Variants in ABCA13 observed in about 807,000 individuals in gnomAD.
The protein encoded by ABCA13 is ATP-binding cassette sub-family A member 13.
Under a neutral mutation model 478.7 loss-of-function variants are expected in ABCA13, and 476 were observed. The observed-to-expected ratio is 0.99, with a 90% CI of 0.92 to 1.07. The LOEUF (loss-of-function observed/expected upper bound fraction) is 1.07. ABCA13 is among the 50% of genes least tolerant of loss of function. The probability of loss-of-function intolerance (pLI) is 0.00; values close to 1 mark genes in which losing one functional copy is unlikely to be tolerated. For missense variants in ABCA13, 6,060 were observed against 5,910.6 expected (o/e 1.03, Z -0.83); for synonymous variants, 2,252 against 2,158.9 (o/e 1.04, Z -1.20).
intron 51 of ABCA13, among the ~76,000 whole-genome samples, chr7:48,511,655 A>G (rs114037281): frequency 0.017 from 2,619 of 152,238 alleles, 80 homozygotes; most frequent in African/African-American, 0.059. Flanking sequence ...AGATGAAAAA[A>G]TAGCAAATGG....
intron 27 of ABCA13, among the ~76,000 whole-genome samples, chr7:48,322,165 T>C (rs1294119253): frequency 1.3e-5 from 2 of 152,180 alleles, no homozygotes; most frequent in Non-Finnish European, 2.9e-5. Flanking sequence ...TCTGTCTGTA[T>C]GCATAACATC....
rs1801509986 is a variant in ABCA13, at chr7:48,309,935, G to A, written c.9322-12G>A. 2 of 1,613,688 alleles carry A rather than the reference G, an allele frequency of 1.2e-6. No homozygotes were observed. The highest frequency in any genetic ancestry group is 2.2e-5 in the East Asian group (1 of 44,884). On this transcript the variant is annotated splice_polypyrimidine_tract_variant and intron_variant, in intron 23 of 61. Coordinates refer to ENST00000435803, the MANE Select transcript of ABCA13 (RefSeq NM_152701.5). ...AGGTATACTCACCTCTAATCTCTGT[G>A]CTTTGAAACAGGTTCTCTTCAGTGC... is the stretch of plus-strand genomic sequence containing the variant.
chr7:48,207,875 C>A (rs1785126485), intron 3 of ABCA13, among the ~76,000 whole-genome samples: 3 of 152,064 alleles, frequency 2.0e-5, no homozygotes, highest in Non-Finnish European at 4.4e-5. Flanking sequence ...GAAATCTTTG[C>A]CCAGACCTAT....
chr7:48,404,893 T>G (rs11185604), intron 39 of ABCA13, among the ~76,000 whole-genome samples: 1 of 152,090 alleles, frequency 6.6e-6, no homozygotes, highest in Non-Finnish European at 1.5e-5. Flanking sequence ...AAGGAGAAGA[T>G]AGATAGAAGT....
rs553514517 is a variant in ABCA13, at chr7:48,281,432, G to A, written c.8816G>A (p.Arg2939His). ...MLQKVKMMVV[R>H]VLTIVAENPS... is the part of the protein sequence containing the mutation. Reference sequence around the variant, plus strand: ...CAGAAAGTGAAGATGATGGTCGTACGTGTGCTCACCATCGTTGCAGGTGGG... The same window carrying A: ...CAGAAAGTGAAGATGATGGTCGTACATGTGCTCACCATCGTTGCAGGTGGG... Residue 2939 changes from arginine (R) to histidine (H), a missense_variant, in exon 19 of 62, where the codon CGT becomes CAT. This residue lies in a region of ABCA13 where 4,423 missense variants were observed against 4,309.1 expected (regional missense o/e 1.03). Coordinates refer to ENST00000435803, the MANE Select transcript of ABCA13 (RefSeq NM_152701.5). The A allele has an allele frequency of 8.7e-6, 14 of 1,602,080 alleles. No individual in the cohort carries two copies. The East Asian group carries it at 1.1e-4, about 13-fold the overall frequency.
rs1286057280 is a variant in ABCA13, at chr7:48,274,755, A to G, written c.5089A>G (p.Ser1697Gly). ...CCTAATGGATTTCTTTAAGAATATC[A>G]GTAGTGTGGGAACTGGCAATTTAGT... ...VNLMDFFKNI[S>G]SVGTGNLVVN... The change falls in exon 17 of 62, where the codon AGT becomes GGT. Residue 1697 changes from serine (S) to glycine (G), a missense_variant. By Grantham distance (56) the Ser-to-Gly change is moderately conservative. Transcript: ENST00000435803. 1.2e-6 allele frequency: 2 copies of G among 1,613,882 alleles called. No individual in the cohort carries two copies. Among genetic ancestry groups the G allele is most frequent in the Non-Finnish European group, 1.7e-6 (2 of 1,179,848 alleles).
At position 48,248,380 on chromosome 7, in the gene ABCA13, G is replaced by A. The variant is rs369374513; in HGVS notation, c.1801G>A (p.Ala601Thr). The change falls in exon 14 of 62, where the codon GCT (alanine) becomes ACT (threonine). Residue 601 changes from alanine (A) to threonine (T), a missense_variant. Ala to Thr is a moderately conservative substitution (Grantham distance 58). Coordinates refer to ENST00000435803, the MANE Select transcript of ABCA13 (RefSeq NM_152701.5). The stretch of plus-strand genomic sequence containing the variant: ...TACTCGGCTCTTCCTGCTGCTGGGA[G>A]CTGATCCCTCTCCTGAGAATGATGT... The part of the protein sequence containing the change: ...SCTRLFLLLG[A>T]DPSPENDVFS... 10 of 1,613,692 alleles carry A rather than the reference G, an allele frequency of 6.2e-6. No homozygotes were observed.
At chr7:48,473,461 C>T (rs1419946907) in intron 45 of ABCA13, among the ~76,000 whole-genome samples, 3 of 152,204 alleles carry the variant, frequency 2.0e-5, no homozygotes, top group Non-Finnish European at 4.4e-5. Flanking sequence ...CCCGAACTTT[C>T]AGGCTGCTCT....
At chr7:48,261,639 AC>A (rs1393416815) in intron 15 of ABCA13, among the ~76,000 whole-genome samples, 1 of 151,720 alleles carries the variant, frequency 6.6e-6, no homozygotes, top group African/African-American at 2.4e-5. Flanking sequence ...ATTTTTGAGA[AC>A]TTTTTCTTAT....
intron 55 of ABCA13, among the ~76,000 whole-genome samples, chr7:48,559,773 T>C (rs999453358): frequency 3.9e-5 from 6 of 152,126 alleles, no homozygotes; most frequent in Admixed American, 2.0e-4. Context: ...GACTGGGGCC[T>C]TCCTTTCAAG....
rs778945355 is a variant in ABCA13, at chr7:48,278,914, G to A, written c.7720G>A (p.Ala2574Thr). ...QSVQNLVKEI[A>T]TLKKIDHFTF... ...TGTTCAAAATCTTGTGAAAGAAATA[G>A]CTACTTTAAAAAAAATAGATCATTT... The change falls in exon 18 of 62, where the codon GCT becomes ACT. Residue 2574 changes from alanine (A) to threonine (T), a missense_variant. Ala to Thr is a moderately conservative substitution (Grantham distance 58). Transcript: ENST00000435803. 5.0e-6 allele frequency: 8 copies of A among 1,613,056 alleles called. No homozygotes were observed. Among genetic ancestry groups the A allele is most frequent in the South Asian group, 1.1e-5 (1 of 91,066 alleles).
intron 31 of ABCA13, among the ~76,000 whole-genome samples, chr7:48,363,021 C>A (rs17712791): frequency 0.14 from 20,937 of 152,092 alleles, 1,603 homozygotes; most frequent in East Asian, 0.31. Context: ...TGTCTTGTAA[C>A]CTTAATTCCT....
chr7:48,529,267 C>G (rs1168446987), intron 55 of ABCA13, among the ~76,000 whole-genome samples: 1 of 152,208 alleles, frequency 6.6e-6, no homozygotes, highest in African/African-American at 2.4e-5. Context: ...CTCAATATCA[C>G]AAACTAAAAT....
chr7:48,417,950 T>A (rs6948188), intron 41 of ABCA13, among the ~76,000 whole-genome samples: 34,628 of 152,122 alleles, frequency 0.23, 4,148 homozygotes, highest in African/African-American at 0.28. Context: ...AGCCTTTCCA[T>A]TTTGGCTTCT....
At chr7:48,280,910 C>G (rs1014094908) in intron 18 of ABCA13, among the ~76,000 whole-genome samples, 4 of 152,172 alleles carry the variant, frequency 2.6e-5, no homozygotes, top group African/African-American at 9.7e-5. Flanking sequence ...CTTTAGTGCT[C>G]TTCTCTGAAT....
chr7:48,439,108 C>T (rs1823243051), intron 42 of ABCA13, among the ~76,000 whole-genome samples: 1 of 152,042 alleles, frequency 6.6e-6, no homozygotes, highest in Non-Finnish European at 1.5e-5. Flanking sequence ...AAAACAATAC[C>T]TATTTATTTT....
At chr7:48,407,745 A>G (rs541132163) in intron 39 of ABCA13, among the ~76,000 whole-genome samples, 1 of 151,868 alleles carries the variant, frequency 6.6e-6, no homozygotes, top group East Asian at 2.0e-4. Context: ...TTTAGTAGAG[A>G]TGGGGTTTCT....
At chr7:48,448,544 A>G (rs183101826) in intron 42 of ABCA13, among the ~76,000 whole-genome samples, 1 of 152,334 alleles carries the variant, frequency 6.6e-6, no homozygotes, top group African/African-American at 2.4e-5. Flanking sequence ...GGCTATTACA[A>G]TCATAGGGCA....
intron 1 of ABCA13, among the ~76,000 whole-genome samples, chr7:48,180,048 A>G (rs1027301326): frequency 3.3e-5 from 5 of 152,228 alleles, no homozygotes; most frequent in African/African-American, 1.2e-4. Flanking sequence ...GCCTGAGCCT[A>G]TGGCACTCCT....
Sources: allele counts gnomAD v4.1 joint callset (sites outside exome capture counted in the v4.1 genomes callset), GRCh38; gene constraint gnomAD v4.1.1; regional missense constraint gnomAD v4.1.1; transcripts MANE v1.5; gene names NCBI Gene and HGNC (gene_info 2026-07-23, HGNC 2026-07-21).